The following UGT1A5 variants were observed in gnomAD, a reference collection of about 807,000 sequenced individuals.
UGT1A5 encodes the protein UDP glucuronosyltransferase family 1 member A5, also known as UDP-glucuronosyltransferase 1A5.
Under a neutral mutation model 40.3 loss-of-function variants are expected in UGT1A5, and 29 were observed. The ratio of observed to expected loss-of-function variants is 0.72; its 90% CI spans 0.54 to 0.98. The LOEUF (loss-of-function observed/expected upper bound fraction) is 0.98, where lower values mean the gene tolerates loss of function less well. Among genes scored for constraint, UGT1A5 ranks in the 50% least tolerant of loss-of-function variants. The pLI, the probability that UGT1A5 is intolerant of heterozygous loss-of-function variation, is 0.00. For missense variants in UGT1A5, 678 were observed against 677.9 expected (o/e 1.00, Z 0.00); for synonymous variants, 257 against 262.5 (o/e 0.98, Z 0.20).
chr2:233,767,558 C>G (rs1283373150), intron 2 of UGT1A5, among the ~76,000 whole-genome samples: 3 of 152,208 alleles, frequency 2.0e-5, no homozygotes, highest in African/African-American at 7.2e-5. Context: ...TCTGCATCCA[C>G]TTGTTTCATT....
At chr2:233,726,665 C>A (rs560065117) in intron 1 of UGT1A5, among the ~76,000 whole-genome samples, 2 of 152,280 alleles carry the variant, frequency 1.3e-5, no homozygotes, top group East Asian at 3.9e-4. Flanking sequence ...TTAATCATAT[C>A]TGTGAAGTCT....
At position 233,713,629 on chromosome 2, in the gene UGT1A5, A is replaced by T; in HGVS notation, c.638A>T (p.Asn213Ile). The T allele has an allele frequency of 1.2e-6, 2 of 1,613,982 alleles. No individual in the cohort carries two copies. The highest frequency in any genetic ancestry group is 1.7e-6 in the Non-Finnish European group (2 of 1,179,852). ...ATGACATTCCTGCAAAGGGTCAAGAACATGCTCTACCCTCTGGCCCTGTCC... is the reference window on the plus strand; with the variant it reads ...ATGACATTCCTGCAAAGGGTCAAGATCATGCTCTACCCTCTGGCCCTGTCC... ...DHMTFLQRVK[N>I]MLYPLALSYL... The change falls in exon 1 of 5, where the codon AAC (asparagine) becomes ATC (isoleucine). Residue 213 changes from asparagine to isoleucine, a missense_variant. Coordinates refer to ENST00000373414, the MANE Select transcript of UGT1A5 (RefSeq NM_019078.2).
At chr2:233,726,442 TC>T (rs1229144566) in intron 1 of UGT1A5, among the ~76,000 whole-genome samples, 1 of 152,218 alleles carries the variant, frequency 6.6e-6, no homozygotes, top group Non-Finnish European at 1.5e-5. Flanking sequence ...TCTTATTCTT[TC>T]CACTGAATGT....
intron 1 of UGT1A5, among the ~76,000 whole-genome samples, chr2:233,737,276 AC>A (rs2078858274): frequency 1.3e-5 from 2 of 152,320 alleles, no homozygotes; most frequent in South Asian, 2.1e-4. Flanking sequence ...GACACCCCTC[AC>A]CCAGCCAGGC....
rs35003977 is a variant in UGT1A5, at chr2:233,760,961, T to G, written c.868-6073T>G. 783 of 1,614,200 alleles carry G rather than the reference T, an allele frequency of 4.9e-4. 4 individuals are homozygous for G. The highest frequency in any genetic ancestry group is 3.5e-3 in the Middle Eastern group (21 of 6,062). On this transcript the variant is annotated intron_variant, in intron 1 of 4. Coordinates refer to ENST00000373414, the MANE Select transcript of UGT1A5 (RefSeq NM_019078.2). ...TTTTCACAGAACTTTCTGTGCGACG[T>G]GGTTTATTCCCCGTATGCAACCCTT...
intron 1 of UGT1A5, among the ~76,000 whole-genome samples, chr2:233,717,106 AAACACCACTACATGGAAATAG>A (rs1002287058): frequency 5.9e-5 from 9 of 152,296 alleles, no homozygotes; most frequent in South Asian, 2.1e-4. Flanking sequence ...TATCTAAATA[AAACACCACTACATGGAAATAG>A]AACACCACTA....
At chr2:233,724,932 T>A (rs1473409991) in intron 1 of UGT1A5, among the ~76,000 whole-genome samples, 3 of 142,946 alleles carry the variant, frequency 2.1e-5, no homozygotes, top group African/African-American at 8.1e-5. Flanking sequence ...TGAACGAGAC[T>A]CCGTCTGCAA....
At chr2:233,758,273 A>AG (rs1696835032) in intron 1 of UGT1A5, among the ~76,000 whole-genome samples, 1 of 152,232 alleles carries the variant, frequency 6.6e-6, no homozygotes, top group Non-Finnish European at 1.5e-5. Flanking sequence ...TTCTTGGTCA[A>AG]GGGCAGAGCT....
chr2:233,719,679 C>T (rs781186031), intron 1 of UGT1A5: 1 of 1,613,946 alleles, frequency 6.2e-7, no homozygotes, highest in Non-Finnish European at 8.5e-7. Flanking sequence ...CGGGAAGCCA[C>T]TATCTCAGGT....
intron 1 of UGT1A5, chr2:233,754,805 A>G (rs755961500): frequency 2.3e-6 from 3 of 1,294,912 alleles, no homozygotes; most frequent in South Asian, 2.4e-5. Context: ...TATCAAAAGA[A>G]GAAAAACCAC....
intron 1 of UGT1A5, chr2:233,729,946 G>T (rs757885815): frequency 1.2e-6 from 2 of 1,614,002 alleles, no homozygotes; most frequent in Middle Eastern, 1.7e-4. Flanking sequence ...GCCCAACATG[G>T]TCTTCATTGG....
chr2:233,716,897 A>C lies in UGT1A5; in HGVS notation c.867+3039A>C, dbSNP rs1240550943. ...ATCTGTGCAGCCCAGACCCCTCCTCATCTCCAGACCCTGGAAGCTGATGCC... is the reference window on the plus strand; with the variant it reads ...ATCTGTGCAGCCCAGACCCCTCCTCCTCTCCAGACCCTGGAAGCTGATGCC... On this transcript the variant is annotated intron_variant, in intron 1 of 4. Transcript: ENST00000373414. 3.3e-5 allele frequency among the ~76,000 whole-genome samples: 5 copies of C among 151,990 alleles called. No individual in the cohort carries two copies. The East Asian group carries it at 9.6e-4, about 29-fold the overall frequency.
intron 1 of UGT1A5, among the ~76,000 whole-genome samples, chr2:233,757,149 G>T (rs1696420476): frequency 6.6e-6 from 1 of 151,394 alleles, no homozygotes; most frequent in South Asian, 2.1e-4. Flanking sequence ...CAGGTGGGCT[G>T]GGGTCTATCC....
At chr2:233,756,312 ATCC>A (rs1696175479) in intron 1 of UGT1A5, 1 of 152,140 alleles carries the variant, frequency 6.6e-6, no homozygotes, top group Admixed American at 6.5e-5. Flanking sequence ...ACCTACCCAT[ATCC>A]TCCTTTAAAC....
chr2:233,754,088 A>G (rs1438865323), intron 1 of UGT1A5, among the ~76,000 whole-genome samples: 2 of 152,224 alleles, frequency 1.3e-5, no homozygotes, highest in Non-Finnish European at 2.9e-5. Context: ...TTTTATCTAA[A>G]TAATGGTCAA....
rs187295904 is a variant in UGT1A5 at position 233,750,155 on chromosome 2, A to G, written c.868-16879A>G. 9.7e-4 allele frequency among the ~76,000 whole-genome samples: 148 copies of G among 152,026 alleles called. 1 individual carries two copies. Among genetic ancestry groups the G allele is most frequent in the Non-Finnish European group, 1.5e-3 (103 of 68,038 alleles). ...TTGGAACTTCCTAGAGACTTGTTGA[A>G]TGGTTTTGACCAAAATGCTGATAAT... On this transcript the variant is annotated intron_variant, in intron 1 of 4. Coordinates refer to ENST00000373414, the MANE Select transcript of UGT1A5 (RefSeq NM_019078.2).
intron 1 of UGT1A5, among the ~76,000 whole-genome samples, chr2:233,761,349 C>T (rs963345880): frequency 6.6e-6 from 1 of 152,178 alleles, no homozygotes; most frequent in African/African-American, 2.4e-5. Flanking sequence ...TCTGAGATTT[C>T]GGGAAAGCAT....
At chr2:233,714,903 G>C (rs139111844) in intron 1 of UGT1A5, among the ~76,000 whole-genome samples, 10 of 136,076 alleles carry the variant, frequency 7.3e-5, no homozygotes, top group African/African-American at 2.4e-4. Context: ...TTGAGATGGA[G>C]TCTTGCTCTG....
intron 1 of UGT1A5, chr2:233,729,374 C>T (rs143192251): frequency 1.1e-5 from 17 of 1,613,890 alleles, no homozygotes; most frequent in Non-Finnish European, 5.1e-6. Context: ...TATGCCATTT[C>T]GTGGACCCAG....
Sources: allele counts gnomAD v4.1 joint callset (sites outside exome capture counted in the v4.1 genomes callset), GRCh38; gene constraint gnomAD v4.1.1; transcripts MANE v1.5; gene names NCBI Gene and HGNC (gene_info 2026-07-23, HGNC 2026-07-21).